MED27: variants seen among roughly 807,000 people sequenced by gnomAD.
MED27 encodes the protein mediator of RNA polymerase II transcription subunit 27.
Under a neutral mutation model 38.2 loss-of-function variants are expected in MED27, and 30 were observed. The ratio of observed to expected loss-of-function variants is 0.79; its 90% confidence interval spans 0.59 to 1.07. MED27 has a LOEUF of 1.07. Among genes scored for constraint, MED27 ranks in the 50% least tolerant of loss-of-function variants. MED27 has a pLI of 0.00. For synonymous variants in MED27, 122 were observed against 153.5 expected (o/e 0.79, Z 1.52); for missense variants, 289 against 397.5 (o/e 0.73, Z 2.32).
chr9:131,911,120 T>C (rs1830180090), intron 4 of MED27, among the ~76,000 whole-genome samples: 1 of 152,218 alleles, frequency 6.6e-6, no homozygotes. Context: ...TTAATCTAAC[T>C]TAATTGCAAT....
At chr9:131,967,434 T>A (rs1392477555) in intron 3 of MED27, among the ~76,000 whole-genome samples, 1 of 152,190 alleles carries the variant, frequency 6.6e-6, no homozygotes, top group African/African-American at 2.4e-5. Context: ...CATTATCAGG[T>A]TGCACTTACG....
At chr9:131,887,997 C>T (rs1428872938) in intron 5 of MED27, among the ~76,000 whole-genome samples, 1 of 152,150 alleles carries the variant, frequency 6.6e-6, no homozygotes, top group African/African-American at 2.4e-5. Flanking sequence ...AGGGCAAACA[C>T]CAAGACATCA....
chr9:131,941,615 G>A (rs1207594503), intron 3 of MED27, among the ~76,000 whole-genome samples: 1 of 152,074 alleles, frequency 6.6e-6, no homozygotes, highest in African/African-American at 2.4e-5. Flanking sequence ...GAGGTGCACT[G>A]AAGGGTATTT....
intron 2 of MED27, among the ~76,000 whole-genome samples, chr9:132,062,310 G>A (rs1324210312): frequency 2.6e-5 from 4 of 152,248 alleles, no homozygotes; most frequent in African/African-American, 9.6e-5. Flanking sequence ...TGGGCAACAC[G>A]GGAGCGGGCA....
chr9:132,065,774 G>A lies in MED27; in HGVS notation c.348+11668C>T, dbSNP rs527663537. ...ATTCCCTTTGGTATGTCTCATGGAC[G>A]GACCACTGGTCCTGCTGCACTGATG... is the stretch of plus-strand genomic sequence containing the variant. On this transcript the variant is annotated intron_variant, in intron 2 of 7. Transcript: ENST00000292035. 5.3e-5 allele frequency among the ~76,000 whole-genome samples: 8 copies of A among 152,352 alleles called. No individual in the cohort carries two copies. The South Asian group carries it at 1.0e-3, about 20-fold the overall frequency.
rs910136027 is a variant in MED27, at chr9:131,889,505, T to C, written c.681+4380A>G. Among the ~76,000 whole-genome samples, 1 of 152,130 alleles carries C rather than the reference T, an allele frequency of 6.6e-6. No homozygotes were observed. The highest frequency in any genetic ancestry group is 2.4e-5 in the African/African-American group (1 of 41,410). Reference sequence around the variant, plus strand: ...GGCTCTTGCTACTCCCTGAGTACAATGAATAAGTGGTTGGTAAGTCTGAAA... The same window carrying C: ...GGCTCTTGCTACTCCCTGAGTACAACGAATAAGTGGTTGGTAAGTCTGAAA... On this transcript the variant is annotated intron_variant, in intron 5 of 7. Coordinates refer to ENST00000292035, the MANE Select transcript of MED27 (RefSeq NM_004269.4). The surrounding 1 kb of genome is among the most constrained non-coding windows in gnomAD (Gnocchi z 4.2).
chr9:131,918,164 G>T lies in MED27; in HGVS notation c.573+21217C>A, dbSNP rs1830326771. On this transcript the variant is annotated intron_variant, in intron 4 of 7. Transcript: ENST00000292035. The stretch of plus-strand genomic sequence containing the variant: ...TTTCCACCTCTTTGGGACAAATGCA[G>T]TTGAAATTTGTGGAAGGAAACCAGA... Among the ~76,000 whole-genome samples the T allele has an allele frequency of 2.0e-5, 3 of 152,306 alleles. No individual in the cohort carries two copies. The South Asian group carries it at 6.2e-4, about 32-fold the overall frequency.
chr9:131,972,968 A>G (rs1379242148), intron 3 of MED27, among the ~76,000 whole-genome samples: 1 of 152,216 alleles, frequency 6.6e-6, no homozygotes, highest in Non-Finnish European at 1.5e-5. Flanking sequence ...ACCTCTCTAT[A>G]TTAAAATGCA....
rs545127041 is a variant in MED27 at position 131,893,737 on chromosome 9, A to G, written c.681+148T>C. On this transcript the variant is annotated intron_variant, in intron 5 of 7. Transcript: ENST00000292035. ...CAGAGAGAATGAAATGTTTTTTCAC[A>G]AAGTGTGCATCCTCACACTGACAAA... is the stretch of plus-strand genomic sequence containing the variant. 4 of 597,268 alleles carry G rather than the reference A, an allele frequency of 6.7e-6. No individual in the cohort carries two copies. In the African/African-American group the frequency reaches 7.4e-5, roughly 11 times the overall value. The allele number at this position is 597,268 out of a possible 1,614,324, so 37.0% of individuals were successfully genotyped here.
intron 3 of MED27, among the ~76,000 whole-genome samples, chr9:131,950,198 G>T (rs1057407445): frequency 3.9e-5 from 6 of 152,160 alleles, no homozygotes; most frequent in Admixed American, 6.5e-5. Context: ...GAGCTTTCCA[G>T]CAACACCAAT....
intron 4 of MED27, among the ~76,000 whole-genome samples, chr9:131,908,143 C>CG (rs60563052): frequency 0.53 from 77,201 of 146,870 alleles, 22,014 homozygotes; most frequent in Non-Finnish European, 0.65. Context: ...GTCAGCCCCC[C>CG]GCTCGGCCAG....
At chr9:132,079,455 A>G (rs543953473) in intron 1 of MED27, among the ~76,000 whole-genome samples, 187 bp downstream of exon 1, 14 of 152,312 alleles carry the variant, frequency 9.2e-5, no homozygotes, top group Non-Finnish European at 7.4e-5. Context: ...AGGAGAAGCA[A>G]GACGAGAAAG....
At chr9:131,879,187 C>T (rs1181426815) in intron 6 of MED27, among the ~76,000 whole-genome samples, 4 of 152,210 alleles carry the variant, frequency 2.6e-5, no homozygotes, top group Non-Finnish European at 5.9e-5. Flanking sequence ...GTGACAAGGG[C>T]ATGCTTCCAT....
chr9:132,052,615 G>A (rs2131138047), intron 2 of MED27, among the ~76,000 whole-genome samples: 1 of 151,966 alleles, frequency 6.6e-6, no homozygotes, highest in South Asian at 2.1e-4. Flanking sequence ...ACCATCACCT[G>A]AATAGTATAC....
intron 3 of MED27, among the ~76,000 whole-genome samples, chr9:131,948,936 C>T (rs1161979100): frequency 6.6e-6 from 1 of 152,174 alleles, no homozygotes; most frequent in African/African-American, 2.4e-5. Context: ...GCTACCCCTC[C>T]ATTTCCAGAA....
At chr9:131,869,324 T>A in intron 6 of MED27, 12 of 985,100 alleles carry the variant, frequency 1.2e-5, no homozygotes, top group Non-Finnish European at 1.4e-5. Context: ...TTTTTTGTTT[T>A]ACATTTTTCA....
chr9:131,987,123 G>A (rs1045338118), intron 3 of MED27, among the ~76,000 whole-genome samples: 1 of 148,266 alleles, frequency 6.7e-6, no homozygotes, highest in African/African-American at 2.5e-5. Flanking sequence ...CTGCCTCCTG[G>A]TATTAAATGA....
At chr9:131,936,649 G>C (rs770321887) in intron 4 of MED27, among the ~76,000 whole-genome samples, 9 of 152,196 alleles carry the variant, frequency 5.9e-5, no homozygotes, top group Non-Finnish European at 1.2e-4. Context: ...CCTAAAAAAC[G>C]TTGTCCTGAT....
At chr9:132,002,158 G>A (rs993129770) in intron 3 of MED27, among the ~76,000 whole-genome samples, 1 of 152,198 alleles carries the variant, frequency 6.6e-6, no homozygotes, top group Admixed American at 6.5e-5. Context: ...TGAGCTCAGA[G>A]CGTAACTGAG....
Sources: gnomAD v4.1 joint callset for allele counts (sites outside exome capture counted in the v4.1 genomes callset) on GRCh38, gnomAD v4.1.1 for gene constraint, Gnocchi (gnomAD v3.1) non-coding constraint, MANE v1.5 for transcripts, NCBI Gene and HGNC (gene_info 2026-07-23, HGNC 2026-07-21) for gene names.